Variants in ADAM23 observed in about 807,000 individuals in gnomAD.
ADAM23 encodes the protein disintegrin and metalloproteinase domain-containing protein 23.
In ADAM23, 33 loss-of-function variants were observed where a neutral mutation model predicts 120.1. The observed-to-expected ratio is 0.27, with a 90% CI of 0.21 to 0.37. ADAM23 has a LOEUF of 0.37. ADAM23 is among the 10% of genes least tolerant of loss of function. The probability of loss-of-function intolerance (pLI) is 1.00; values close to 1 mark genes in which losing one functional copy is unlikely to be tolerated. For synonymous variants in ADAM23, 367 were observed against 375.2 expected, an observed-to-expected ratio of 0.98 and a Z score of 0.25; for missense variants, 862 against 1,058.2, an observed-to-expected ratio of 0.81 and a Z score of 2.57.
intron 3 of ADAM23, among the ~76,000 whole-genome samples, chr2:206,499,256 A>G: frequency 6.6e-6 from 1 of 152,050 alleles, no homozygotes; most frequent in Non-Finnish European, 1.5e-5. Flanking sequence ...CAAATGTCCA[A>G]CAATGATAGA....
In ADAM23 at chr2:206,554,909, CTCTT is replaced by C. The variant is rs528938966; in HGVS notation, c.934-2516_934-2513del. ...GCAATATTGGACACAGTTGATTACC[CTCTT>C]TTTTTGAAAATTTTATTTCATCTCT... On this transcript the variant is annotated intron_variant, in intron 9 of 25. Coordinates refer to ENST00000264377, the MANE Select transcript of ADAM23 (RefSeq NM_003812.4). 5.3e-4 allele frequency among the ~76,000 whole-genome samples: 81 copies of C among 152,250 alleles called. No individual in the cohort carries two copies. In the East Asian group the frequency reaches 0.015, roughly 29 times the overall value.
intron 16 of ADAM23, 66 bp from the exon 17 acceptor site, chr2:206,571,661 G>A: frequency 2.6e-6 from 3 of 1,147,058 alleles, no homozygotes; most frequent in Middle Eastern, 1.9e-4. Context: ...CATGCCACGT[G>A]TGGAGAGAAT....
intron 18 of ADAM23, among the ~76,000 whole-genome samples, chr2:206,586,259 C>G (rs1698319180): frequency 6.6e-6 from 1 of 152,142 alleles, no homozygotes; most frequent in Admixed American, 6.5e-5. Context: ...TTAAAGAGAT[C>G]ACTCTGATAG....
At position 206,565,082 on chromosome 2, in the gene ADAM23, A is replaced by T; in HGVS notation, c.1394+14A>T. 6.2e-7 allele frequency: 1 copy of T among 1,613,812 alleles called. No individual in the cohort carries two copies. The highest frequency in any genetic ancestry group is 8.5e-7 in the Non-Finnish European group (1 of 1,179,728). On this transcript the variant is annotated intron_variant, in intron 14 of 25. Transcript: ENST00000264377. ...GGAGGAAACAGGGTAAATTTTCATT[A>T]TGCGTGCATTTGATATATGCCTTTT...
At chr2:206,581,054 T>C (rs764352896) in intron 18 of ADAM23, among the ~76,000 whole-genome samples, 4 of 152,218 alleles carry the variant, frequency 2.6e-5, no homozygotes, top group Non-Finnish European at 5.9e-5. Context: ...GTGTCAGTTG[T>C]AATATCTCCT....
chr2:206,573,848 A>G (rs1414821068), intron 18 of ADAM23, among the ~76,000 whole-genome samples: 1 of 151,912 alleles, frequency 6.6e-6, no homozygotes, highest in East Asian at 1.9e-4. Context: ...CAGAAGCAGT[A>G]GAGGGACCAG....
intron 3 of ADAM23, among the ~76,000 whole-genome samples, chr2:206,519,202 C>T (rs374285594): frequency 2.6e-5 from 4 of 152,084 alleles, no homozygotes; most frequent in Non-Finnish European, 2.9e-5. Context: ...GAAAAAGGGC[C>T]GGTTAGCACG....
intron 9 of ADAM23, among the ~76,000 whole-genome samples, chr2:206,551,402 A>G (rs529066709): frequency 6.6e-6 from 1 of 152,330 alleles, no homozygotes; most frequent in East Asian, 1.9e-4. Flanking sequence ...ATTGAACTTT[A>G]AAAGTTGTAA....
chr2:206,488,598 G>A (rs1696063711), intron 3 of ADAM23, among the ~76,000 whole-genome samples: 1 of 152,186 alleles, frequency 6.6e-6, no homozygotes, highest in South Asian at 2.1e-4. Context: ...GGGAGCTAGA[G>A]TTTTGTCCAC....
intron 24 of ADAM23, among the ~76,000 whole-genome samples, chr2:206,597,530 C>T (rs943243786): frequency 6.6e-6 from 1 of 152,174 alleles, no homozygotes; most frequent in East Asian, 1.9e-4. Flanking sequence ...TCATTATTCT[C>T]CCGATTCTCA....
intron 3 of ADAM23, among the ~76,000 whole-genome samples, chr2:206,513,106 G>T (rs1696659916): frequency 6.6e-6 from 1 of 151,984 alleles, no homozygotes; most frequent in Admixed American, 6.6e-5. Flanking sequence ...TTGAAATTAG[G>T]TCAATTAACA....
intron 24 of ADAM23, 88 bp downstream of exon 24, chr2:206,596,250 G>A (rs1672584923): frequency 5.2e-6 from 5 of 952,586 alleles, no homozygotes; most frequent in African/African-American, 1.6e-5. Context: ...ATTGACTTAA[G>A]AGGAGACACA....
intron 2 of ADAM23, among the ~76,000 whole-genome samples, chr2:206,449,345 A>G (rs767153838): frequency 4.6e-5 from 7 of 152,378 alleles, no homozygotes; most frequent in Middle Eastern, 3.4e-3. Flanking sequence ...AATGCAATAT[A>G]TTAATAAAAT....
At chr2:206,558,555 A>G (rs1306845317) in intron 10 of ADAM23, among the ~76,000 whole-genome samples, 1 of 152,202 alleles carries the variant, frequency 6.6e-6, no homozygotes, top group Non-Finnish European at 1.5e-5. Context: ...TTAGGATAGC[A>G]TCTCAGTGCC....
At chr2:206,444,324 TTAG>T (rs1695029874) in intron 1 of ADAM23, among the ~76,000 whole-genome samples, 1 of 152,212 alleles carries the variant, frequency 6.6e-6, no homozygotes, top group Non-Finnish European at 1.5e-5. Flanking sequence ...TGGGAGGTGT[TTAG>T]TGGATCCTGG....
intron 3 of ADAM23, among the ~76,000 whole-genome samples, chr2:206,489,601 C>G (rs940628440): frequency 4.6e-5 from 7 of 152,196 alleles, no homozygotes; most frequent in East Asian, 1.9e-4. Context: ...GTGCCAAGCC[C>G]TATGTGTACC....
At chr2:206,469,314 T>C (rs1220462599) in intron 2 of ADAM23, among the ~76,000 whole-genome samples, 1 of 152,186 alleles carries the variant, frequency 6.6e-6, no homozygotes, top group East Asian at 1.9e-4. Context: ...TTGCTCCTTT[T>C]GGTTACTCAG....
At chr2:206,463,466 A>G (rs1695470273) in intron 2 of ADAM23, among the ~76,000 whole-genome samples, 1 of 152,180 alleles carries the variant, frequency 6.6e-6, no homozygotes. Flanking sequence ...TTGATTTTGG[A>G]CTTTTGACCT....
chr2:206,452,046 C>G (rs1695205507), intron 2 of ADAM23, among the ~76,000 whole-genome samples: 1 of 152,148 alleles, frequency 6.6e-6, no homozygotes, highest in African/African-American at 2.4e-5. Context: ...GATGATTTCT[C>G]TTGAAGAATC....
Sources: gnomAD v4.1 joint callset for allele counts (sites outside exome capture counted in the v4.1 genomes callset) on GRCh38, gnomAD v4.1.1 for gene constraint, MANE v1.5 for transcripts, NCBI Gene and HGNC (gene_info 2026-07-23, HGNC 2026-07-21) for gene names.